Variants in KIRREL3 observed in about 807,000 individuals in gnomAD.
KIRREL3 encodes the protein kirre like nephrin family adhesion molecule 3.
KIRREL3 carries 36 observed loss-of-function variants against 89.7 expected under a neutral mutation model. That is an observed-to-expected ratio of 0.40 (90% CI 0.31 to 0.53). KIRREL3 has a LOEUF of 0.53. KIRREL3 is among the 20% of genes least tolerant of loss of function. The pLI, the probability that KIRREL3 is intolerant of heterozygous loss-of-function variation, is 0.49. For synonymous variants in KIRREL3, 445 were observed against 441.4 expected, an observed-to-expected ratio of 1.01 and a Z score of -0.10; for missense variants, 864 against 1,056.6, an observed-to-expected ratio of 0.82 and a Z score of 2.53.
At chr11:126,602,246 A>G (rs1265791636) in intron 1 of KIRREL3, among the ~76,000 whole-genome samples, 3 of 152,270 alleles carry the variant, frequency 2.0e-5, no homozygotes, top group African/African-American at 4.8e-5. Context: ...TGGCTCCAGC[A>G]GGGAGGCCAC....
intron 1 of KIRREL3, among the ~76,000 whole-genome samples, chr11:126,930,116 A>C (rs995288891): frequency 2.0e-5 from 3 of 150,332 alleles, no homozygotes; most frequent in Non-Finnish European, 4.4e-5. Context: ...AAAAAAAAAA[A>C]CTCTTCACTC....
rs1367250215 is a variant in KIRREL3, at chr11:126,557,350, C to T, written c.133+5485G>A. Among the ~76,000 whole-genome samples the T allele has an allele frequency of 1.3e-5, 2 of 152,172 alleles. No homozygotes were observed. Among genetic ancestry groups the T allele is most frequent in the East Asian group, 1.9e-4 (1 of 5,194 alleles). Reference sequence around the variant, plus strand: ...GTCTATTGACTTTTTTGTACTGGTTCCTTTGGTGACCAAGACATTTAAAAT... The same window carrying T: ...GTCTATTGACTTTTTTGTACTGGTTTCTTTGGTGACCAAGACATTTAAAAT... On this transcript the variant is annotated intron_variant, in intron 2 of 16. Coordinates refer to ENST00000525144, the MANE Select transcript of KIRREL3 (RefSeq NM_032531.4). This position sits in a 1 kb window ranked among gnomAD's most constrained non-coding sequence, Gnocchi z 5.6.
chr11:126,851,941 A>T (rs1944350516), intron 1 of KIRREL3, among the ~76,000 whole-genome samples: 1 of 152,148 alleles, frequency 6.6e-6, no homozygotes, highest in African/African-American at 2.4e-5. Context: ...GGCGGGTGGA[A>T]GTCAGGCACA....
In KIRREL3 at chr11:126,493,560, CAGG is replaced by C. The variant is rs796891334; in HGVS notation, c.434-20097_434-20095del. ...GTCCCAGCTACTTGGGAGGCTGAGG[CAGG>C]AGAATGGCGTGAACCCAGGAGGCGG... On this transcript the variant is annotated intron_variant, in intron 4 of 16. Coordinates refer to ENST00000525144, the MANE Select transcript of KIRREL3 (RefSeq NM_032531.4). Among the ~76,000 whole-genome samples the C allele has an allele frequency of 5.4e-4, 78 of 144,722 alleles. 2 individuals carry two copies. The highest frequency in any genetic ancestry group is 1.9e-3 in the African/African-American group (73 of 38,710). The allele number at this position is 144,722 out of a possible 152,430, so 94.9% of individuals were successfully genotyped here.
rs1946542935 is a variant in KIRREL3 at position 126,905,444 on chromosome 11, T to C, written c.55+95011A>G. Among the ~76,000 whole-genome samples the C allele has an allele frequency of 6.6e-6, 1 of 152,120 alleles. No individual in the cohort carries two copies. The highest frequency in any genetic ancestry group is 2.1e-4 in the South Asian group (1 of 4,822). On this transcript the variant is annotated intron_variant, in intron 1 of 16. Transcript: ENST00000525144. This position sits in a 1 kb window ranked among gnomAD's most constrained non-coding sequence, Gnocchi z 5.0. ...ATCAACTTGGCAGAGGGCTACACAT[T>C]AGGTAGGTCCTTCCATAATGTCTTT...
intron 1 of KIRREL3, among the ~76,000 whole-genome samples, chr11:126,718,033 C>A (rs1301011562): frequency 6.6e-6 from 1 of 152,140 alleles, no homozygotes; most frequent in Non-Finnish European, 1.5e-5. Context: ...TTAAAATATC[C>A]CTTGCCTCAT....
At chr11:126,445,712 G>A (rs1018243665) in intron 9 of KIRREL3, among the ~76,000 whole-genome samples, 2 of 152,218 alleles carry the variant, frequency 1.3e-5, no homozygotes, top group Non-Finnish European at 2.9e-5. Flanking sequence ...CTAGGATAAT[G>A]CAGCGTCTGC....
At chr11:126,810,843 G>A (rs1951360085) in intron 1 of KIRREL3, among the ~76,000 whole-genome samples, 1 of 152,178 alleles carries the variant, frequency 6.6e-6, no homozygotes, top group South Asian at 2.1e-4. Context: ...TCCAGCTGTG[G>A]TTGCAGTTCT....
intron 10 of KIRREL3, among the ~76,000 whole-genome samples, chr11:126,442,996 C>T (rs1955643083): frequency 2.0e-5 from 3 of 152,222 alleles, no homozygotes. Flanking sequence ...AGTGCCCTCC[C>T]CGTCCAAGAG....
At chr11:126,582,881 C>T (rs916671717) in intron 1 of KIRREL3, among the ~76,000 whole-genome samples, 13 of 152,216 alleles carry the variant, frequency 8.5e-5, no homozygotes, top group African/African-American at 3.1e-4. Context: ...CCTTAATTAT[C>T]TGAGGTACTG....
rs1035839660 is a variant in KIRREL3, at chr11:126,752,197, G to A, written c.56-189285C>T. Among the ~76,000 whole-genome samples the A allele has an allele frequency of 4.8e-5, 7 of 146,472 alleles. No homozygotes were observed. The highest frequency in any genetic ancestry group is 3.9e-4 in the East Asian group (2 of 5,080). On this transcript the variant is annotated intron_variant, in intron 1 of 16. Transcript: ENST00000525144. The surrounding 1 kb of genome is among the most constrained non-coding windows in gnomAD (Gnocchi z 4.8). ...ATTGAAAGGATTTCCCAGGCTCAGC[G>A]TGGGTTGGTTGGGGGGGTTTCTTGA...
intron 1 of KIRREL3, among the ~76,000 whole-genome samples, chr11:126,923,198 CTTCTTCTTCT>C (rs1565423301): frequency 0.012 from 83 of 7,194 alleles, 16 homozygotes; most frequent in Admixed American, 0.023. Flanking sequence ...TCTTCTTCTT[CTTCTTCTTCT>C]TCTTCTTCTT....
At position 126,814,933 on chromosome 11, in the gene KIRREL3, T is replaced by A. The variant is rs146069193; in HGVS notation, c.55+185522A>T. Among the ~76,000 whole-genome samples, 414 of 152,158 alleles carry A rather than the reference T, an allele frequency of 2.7e-3. 2 individuals carry two copies. The highest frequency in any genetic ancestry group is 9.2e-3 in the African/African-American group (380 of 41,498). On this transcript the variant is annotated intron_variant, in intron 1 of 16. Transcript: ENST00000525144. This position sits in a 1 kb window ranked among gnomAD's most constrained non-coding sequence, Gnocchi z 4.4. ...GCCCATGTACCCCAGAACTTAAAAG[T>A]TGAGAGAAAAGAAGAAAGTAAAAGA...
At chr11:126,698,629 C>T (rs1000360355) in intron 1 of KIRREL3, among the ~76,000 whole-genome samples, 4 of 152,326 alleles carry the variant, frequency 2.6e-5, no homozygotes, top group East Asian at 1.9e-4. Context: ...GGTTCTGCTG[C>T]GTGAGGAGGA....
chr11:126,815,584 A>G (rs1951538623), intron 1 of KIRREL3, among the ~76,000 whole-genome samples: 2 of 152,106 alleles, frequency 1.3e-5, no homozygotes, highest in Non-Finnish European at 2.9e-5. Flanking sequence ...CCCAGGCTGG[A>G]GTGCAGTGGC....
intron 1 of KIRREL3, among the ~76,000 whole-genome samples, chr11:126,584,361 A>G (rs1268780335): frequency 1.3e-5 from 2 of 152,036 alleles, no homozygotes; most frequent in Non-Finnish European, 2.9e-5. Flanking sequence ...GCGCCTGTGG[A>G]TGCACTCTTC....
At chr11:126,660,530 G>A (rs1298813475) in intron 1 of KIRREL3, among the ~76,000 whole-genome samples, 2 of 152,166 alleles carry the variant, frequency 1.3e-5, no homozygotes, top group South Asian at 2.1e-4. Flanking sequence ...CTGACTGTGT[G>A]TCTTGGACCA....
rs1409619259 is a variant in KIRREL3, at chr11:126,526,720, C to G, written c.134-33G>C. 3 of 1,543,482 alleles carry G rather than the reference C, an allele frequency of 1.9e-6. No homozygotes were observed. The highest frequency in any genetic ancestry group is 2.7e-5 in the African/African-American group (2 of 72,982). ...GGAGACAAACACAATGGTCAGTTAT[C>G]TGCCGGCTACAGGGGCGAGAAGGCT... On this transcript the variant is annotated intron_variant, in intron 2 of 16. Coordinates refer to ENST00000525144, the MANE Select transcript of KIRREL3 (RefSeq NM_032531.4). This position sits in a 1 kb window ranked among gnomAD's most constrained non-coding sequence, Gnocchi z 5.7.
intron 2 of KIRREL3, among the ~76,000 whole-genome samples, chr11:126,539,354 C>G (rs1395416435): frequency 6.6e-6 from 1 of 152,114 alleles, no homozygotes; most frequent in African/African-American, 2.4e-5. Context: ...GGCCCTTGAA[C>G]GTGTGCCAAG....
Sources: gnomAD v4.1 joint callset for allele counts (sites outside exome capture counted in the v4.1 genomes callset) on GRCh38, gnomAD v4.1.1 for gene constraint, Gnocchi (gnomAD v3.1) non-coding constraint, MANE v1.5 for transcripts, NCBI Gene and HGNC (gene_info 2026-07-23, HGNC 2026-07-21) for gene names.